The following SEC24D variants were observed in gnomAD, a reference collection of about 807,000 sequenced individuals.
SEC24D encodes the protein SEC24 homolog D, COPII component.
SEC24D carries 69 observed loss-of-function variants against 116.9 expected under a neutral mutation model. The ratio of observed to expected loss-of-function variants is 0.59; its 90% CI spans 0.49 to 0.72. SEC24D has a LOEUF of 0.72. SEC24D is among the 30% of genes least tolerant of loss of function. The probability of loss-of-function intolerance (pLI) is 0.00; values close to 1 mark genes in which losing one functional copy is unlikely to be tolerated. For missense variants in SEC24D, 1,131 were observed against 1,264.1 expected (o/e 0.89, Z 1.60); for synonymous variants, 405 against 442.8 (o/e 0.91, Z 1.07).
chr4:118,760,424 G>A (rs1312188956), intron 10 of SEC24D: 3 of 151,934 alleles, frequency 2.0e-5, no homozygotes, highest in South Asian at 4.2e-4. Context: ...TATCCTTTTT[G>A]TGGCTGGCTT....
chr4:118,752,901 A>C lies in SEC24D; in HGVS notation c.1422-13T>G. Reference sequence around the variant, plus strand: ...TTCTTGCTCTTCCCTGTAAGGAAAAAAAAAAGTGTTTGAGATGCTTTATAA... The same window carrying C: ...TTCTTGCTCTTCCCTGTAAGGAAAACAAAAAGTGTTTGAGATGCTTTATAA... On this transcript the variant is annotated splice_polypyrimidine_tract_variant and intron_variant, in intron 11 of 22. Transcript: ENST00000280551. 1 of 1,540,628 alleles carries C rather than the reference A, an allele frequency of 6.5e-7. No individual in the cohort carries two copies. Among genetic ancestry groups the C allele is most frequent in the South Asian group, 1.3e-5 (1 of 79,594 alleles).
At chr4:118,835,874 C>CA (rs1229825984) in intron 1 of SEC24D, 67 bp downstream of exon 1, 1 of 152,928 alleles carries the variant, frequency 6.5e-6, no homozygotes, top group Non-Finnish European at 1.5e-5. Context: ...CCGGGCGCCG[C>CA]AACCCGCTCC....
intron 22 of SEC24D, among the ~76,000 whole-genome samples, chr4:118,726,687 T>C (rs540907080): frequency 6.6e-6 from 1 of 152,202 alleles, no homozygotes; most frequent in East Asian, 1.9e-4. Flanking sequence ...TAAAAAACAT[T>C]TGGAGCACAG....
chr4:118,813,911 C>G (rs533436482), intron 6 of SEC24D, among the ~76,000 whole-genome samples: 1 of 152,248 alleles, frequency 6.6e-6, no homozygotes, highest in Non-Finnish European at 1.5e-5. Flanking sequence ...GCAAGCTCAG[C>G]CAAAATCAGA....
intron 2 of SEC24D, among the ~76,000 whole-genome samples, chr4:118,832,000 C>T (rs1440046928): frequency 2.0e-5 from 3 of 152,058 alleles, no homozygotes; most frequent in African/African-American, 4.8e-5. Context: ...GTCAGGAGTT[C>T]GAGACCAACC....
At chr4:118,772,837 G>T (rs571104884) in intron 8 of SEC24D, among the ~76,000 whole-genome samples, 3 of 152,218 alleles carry the variant, frequency 2.0e-5, no homozygotes, top group Non-Finnish European at 2.9e-5. Flanking sequence ...CCTATCACAG[G>T]CATGGTGCTG....
At chr4:118,820,087 G>C (rs1730331286) in intron 3 of SEC24D, among the ~76,000 whole-genome samples, 1 of 151,472 alleles carries the variant, frequency 6.6e-6, no homozygotes, top group South Asian at 2.1e-4. Context: ...AAATAGAATA[G>C]TATTAAATGG....
At chr4:118,834,786 C>G (rs931717329) in intron 1 of SEC24D, among the ~76,000 whole-genome samples, 8 of 152,134 alleles carry the variant, frequency 5.3e-5, no homozygotes, top group Non-Finnish European at 7.4e-5. Context: ...TTGCCCCATA[C>G]AAGCATATTC....
Position 118,768,189 on chromosome 4 carries a change from G to A in SEC24D, c.1164C>T (p.Cys388=), listed in dbSNP as rs773504661. Reference sequence around the variant, plus strand: ...ACTGCTTACCATCATTCACACAGTTGCAAAATCCACACTGATATCTCCTTC... The same window carrying A: ...ACTGCTTACCATCATTCACACAGTTACAAAATCCACACTGATATCTCCTTC... ...EGGRRYQCGF[C]NCVNDVPPFY... is the part of the protein sequence containing the mutation. The change falls in exon 9 of 23, where the codon TGC becomes TGT. Residue 388 remains cysteine, a synonymous_variant. Transcript: ENST00000280551. 13 of 1,613,118 alleles carry A rather than the reference G, an allele frequency of 8.1e-6. No individual in the cohort carries two copies. The highest frequency in any genetic ancestry group is 1.0e-5 in the Non-Finnish European group (12 of 1,179,578).
chr4:118,757,725 G>T lies in SEC24D; in HGVS notation c.1417C>A (p.Pro473Thr). 1 of 1,604,670 alleles carries T rather than the reference G, an allele frequency of 6.2e-7. No individual in the cohort carries two copies. The highest frequency in any genetic ancestry group is 8.5e-7 in the Non-Finnish European group (1 of 1,177,112). Residue 473 changes from proline to threonine, a missense_variant, in exon 11 of 23, where the codon CCA becomes ACA. Physicochemically the swap from Pro to Thr is conservative, Grantham distance 38. Transcript: ENST00000280551. The part of the protein sequence containing the change: ...EELKTMLEKI[P>T]KEEQEETSAI... ...AAAGAATGACGGTTGCCTTACTTTG[G>T]AATTTTTTCCAGCATGGTCTTCAGT... is the stretch of plus-strand genomic sequence containing the variant.
chr4:118,826,663 AT>A (rs1483956502), intron 2 of SEC24D, among the ~76,000 whole-genome samples: 1 of 151,564 alleles, frequency 6.6e-6, no homozygotes, highest in Admixed American at 6.6e-5. Flanking sequence ...CTCTCCAAAA[AT>A]ATTCCCCCTT....
intron 3 of SEC24D, among the ~76,000 whole-genome samples, chr4:118,818,550 T>C (rs987085015): frequency 6.6e-6 from 1 of 152,210 alleles, no homozygotes; most frequent in African/African-American, 2.4e-5. Flanking sequence ...CTTCCAACCA[T>C]TACTCTGAGT....
intron 3 of SEC24D, among the ~76,000 whole-genome samples, chr4:118,818,956 T>C (rs563839379): frequency 2.0e-5 from 3 of 152,324 alleles, no homozygotes; most frequent in Admixed American, 6.5e-5. Flanking sequence ...TAAGCACCCT[T>C]TGACTTAAAT....
At chr4:118,725,443 A>C (rs1725360869) in intron 22 of SEC24D, among the ~76,000 whole-genome samples, 1 of 152,198 alleles carries the variant, frequency 6.6e-6, no homozygotes, top group Non-Finnish European at 1.5e-5. Flanking sequence ...TGGTAGGGGC[A>C]GTGTGGGTCT....
chr4:118,767,212 G>C (rs1267720747), intron 9 of SEC24D, among the ~76,000 whole-genome samples: 1 of 152,198 alleles, frequency 6.6e-6, no homozygotes, highest in Non-Finnish European at 1.5e-5. Flanking sequence ...GCGAGATAAG[G>C]TGGCAGGGAA....
intron 8 of SEC24D, among the ~76,000 whole-genome samples, chr4:118,780,493 C>G (rs1728349685): frequency 6.6e-6 from 1 of 152,154 alleles, no homozygotes; most frequent in South Asian, 2.1e-4. Context: ...TGTTCTTTTA[C>G]ATTTGCTGAG....
At chr4:118,814,407 T>C (rs1730050106) in intron 6 of SEC24D, among the ~76,000 whole-genome samples, 1 of 152,218 alleles carries the variant, frequency 6.6e-6, no homozygotes, top group Non-Finnish European at 1.5e-5. Flanking sequence ...CTAAATCCAA[T>C]CTGCAGCTGC....
chr4:118,766,904 C>T (rs1299199413), intron 9 of SEC24D: 5 of 152,144 alleles, frequency 3.3e-5, no homozygotes, highest in Non-Finnish European at 7.3e-5. Flanking sequence ...AATTTGGTTG[C>T]AGATTTCATT....
In SEC24D at chr4:118,745,769, T is replaced by C. The variant is rs150787652; in HGVS notation, c.1708-709A>G. Reference sequence around the variant, plus strand: ...TTTCCTGGAATTAAGTATGATTCAATATATTGTCCTTCCAACCCCTGCCTT... The same window carrying C: ...TTTCCTGGAATTAAGTATGATTCAACATATTGTCCTTCCAACCCCTGCCTT... On this transcript the variant is annotated intron_variant, in intron 13 of 22. Transcript: ENST00000280551. Among the ~76,000 whole-genome samples, 493 of 152,306 alleles carry C rather than the reference T, an allele frequency of 3.2e-3. 1 individual carries two copies. The highest frequency in any genetic ancestry group is 3.6e-3 in the Non-Finnish European group (248 of 68,030).
Sources: gnomAD v4.1 joint callset for allele counts (sites outside exome capture counted in the v4.1 genomes callset) on GRCh38, gnomAD v4.1.1 for gene constraint, MANE v1.5 for transcripts, NCBI Gene and HGNC (gene_info 2026-07-23, HGNC 2026-07-21) for gene names.